KLK6: variants seen among roughly 807,000 people sequenced by gnomAD.
KLK6 encodes the protein kallikrein-6.
KLK6 carries 16 observed loss-of-function variants against 21.7 expected under a neutral mutation model. That is an observed-to-expected ratio of 0.74 (90% CI 0.50 to 1.12). KLK6 has a LOEUF of 1.12. KLK6 is among the 50% of genes most tolerant of loss of function. The pLI is 0.00. For missense variants in KLK6, 276 were observed against 304.6 expected, an observed-to-expected ratio of 0.91 and a Z score of 0.70; for synonymous variants, 116 against 120.1, an observed-to-expected ratio of 0.97 and a Z score of 0.22.
rs1382299293 is a variant in KLK6 at position 50,963,761 on chromosome 19, T to C, written c.198-212A>G. 31 of 581,404 alleles carry C rather than the reference T, an allele frequency of 5.3e-5. No individual in the cohort carries two copies. The East Asian group carries it at 6.6e-4, about 12-fold the overall frequency. The allele number at this position is 581,404 out of a possible 1,614,324, so 36.0% of individuals were successfully genotyped here. A position where few individuals can be genotyped will look rare whatever the true frequency, so the allele number is the denominator to read the frequency against. On this transcript the variant is annotated intron_variant, in intron 4 of 6. Coordinates refer to ENST00000310157, the MANE Select transcript of KLK6 (RefSeq NM_002774.4). ...ACATCCAAGCTGTCCAGAATTCCTT[T>C]TGCCTCTCTGAAGCATATCCAGAAT...
At chr19:50,965,016 C>T (rs1485800029) in intron 4 of KLK6, among the ~76,000 whole-genome samples, 3 of 152,184 alleles carry the variant, frequency 2.0e-5, no homozygotes, top group Non-Finnish European at 2.9e-5. Flanking sequence ...CTTCCTGACC[C>T]TCCTCCATCT....
At chr19:50,967,117 G>A (rs2090938620) in intron 4 of KLK6, 52 bp downstream of exon 4, 1 of 1,605,118 alleles carries the variant, frequency 6.2e-7, no homozygotes. Flanking sequence ...ACATCTATAA[G>A]ACACCCTCAG....
At chr19:50,969,301 T>TG (rs1270572645) in intron 1 of KLK6, among the ~76,000 whole-genome samples, 189 bp downstream of exon 1, 7 of 151,968 alleles carry the variant, frequency 4.6e-5, no homozygotes, top group African/African-American at 1.7e-4. Flanking sequence ...CTCCGGGTTT[T>TG]GGAGAAAGAA....
rs763925278 is a variant in KLK6, at chr19:50,963,451, T to C, written c.296A>G (p.Asp99Gly). ...VVRAVIHPDY[D>G]AASHDQDIML... ...GATGTCCTGGTCATGGCTGGCGGCA[T>C]CATAGTCAGGGTGGATCACAGCCCG... The change falls in exon 5 of 7, where the codon GAT becomes GGT. Residue 99 changes from aspartate (D) to glycine (G), a missense_variant. Transcript: ENST00000310157. 3.1e-6 allele frequency: 5 copies of C among 1,614,058 alleles called. No individual in the cohort carries two copies. The highest frequency in any genetic ancestry group is 4.2e-6 in the Non-Finnish European group (5 of 1,180,040).
rs115623143 is a variant in KLK6 at position 50,968,592 on chromosome 19, C to T, written c.-59-1G>A. ...ATTCTTGAGTCGGGGGAAGGAACAG[C>T]TTTGAGACGAGGAGGCAGAAAGAGT... On this transcript the variant is annotated splice_acceptor_variant, in intron 1 of 6. Transcript: ENST00000310157. LOFTEE classifies it low-confidence loss of function (5UTR_SPLICE). 0.012 allele frequency: 2,216 copies of T among 177,752 alleles called. 50 individuals are homozygous for T. The highest frequency in any genetic ancestry group is 0.051 in the African/African-American group (2,132 of 41,676). The allele number at this position is 177,752 out of a possible 1,614,324, so 11.0% of individuals were successfully genotyped here. A position where few individuals can be genotyped will look rare whatever the true frequency, so the allele number is the denominator to read the frequency against.
chr19:50,959,059 G>C lies in KLK6; in HGVS notation c.*105C>G, dbSNP rs1784263411. ...CGTCGCTGCGTTTATTAAGCATCAGGGTCAGAGCTGGGCAGGAGAGGAGGG... is the reference window on the plus strand; with the variant it reads ...CGTCGCTGCGTTTATTAAGCATCAGCGTCAGAGCTGGGCAGGAGAGGAGGG... On this transcript the variant is annotated 3_prime_UTR_variant, in exon 7 of 7. Coordinates refer to ENST00000310157, the MANE Select transcript of KLK6 (RefSeq NM_002774.4). 1 of 1,236,088 alleles carries C rather than the reference G, an allele frequency of 8.1e-7. No individual in the cohort carries two copies. The highest frequency in any genetic ancestry group is 1.2e-6 in the Non-Finnish European group (1 of 852,280). 76.6% of individuals were successfully genotyped at this position (1,236,088 alleles called of 1,614,324 possible).
At chr19:50,961,654 GCCTGTGTCTCTCTCTT>G in intron 6 of KLK6, 74 bp downstream of exon 6, 1 of 1,491,172 alleles carries the variant, frequency 6.7e-7, no homozygotes, top group Non-Finnish European at 9.1e-7. Flanking sequence ...CTCTCTTTTG[GCCTGTGTCTCTCTCTT>G]CCTGTGTCTG....
intron 4 of KLK6, among the ~76,000 whole-genome samples, chr19:50,964,970 C>T (rs941325062): frequency 4.6e-5 from 7 of 152,238 alleles, no homozygotes; most frequent in Non-Finnish European, 8.8e-5. Context: ...TTCCCATCTT[C>T]ATGCCTCCGC....
chr19:50,961,649 T>C, intron 6 of KLK6, 95 bp downstream of exon 6: 1 of 1,475,064 alleles, frequency 6.8e-7, no homozygotes, highest in Non-Finnish European at 9.2e-7. Context: ...TAAAGCTCTC[T>C]TTTGGCCTGT....
rs756422547 is a variant in KLK6 at position 50,959,221 on chromosome 19, G to C, written c.678C>G (p.Val226=). The change falls in exon 7 of 7, where the codon GTC becomes GTG. Residue 226 remains valine, a synonymous_variant. Coordinates refer to ENST00000310157, the MANE Select transcript of KLK6 (RefSeq NM_002774.4). ...IPCGSKEKPG[V]YTNVCRYTNW... ...TCGTGTATCTGCAGACGTTGGTGTA[G>C]ACTCCTGGCTTCTCCTTTGATCCAC... 6.2e-6 allele frequency: 10 copies of C among 1,614,118 alleles called. No homozygotes were observed. The highest frequency in any genetic ancestry group is 8.5e-6 in the Non-Finnish European group (10 of 1,180,028).
At chr19:50,966,781 A>G (rs925810720) in intron 4 of KLK6, among the ~76,000 whole-genome samples, 1 of 152,162 alleles carries the variant, frequency 6.6e-6, no homozygotes, top group Admixed American at 6.5e-5. Flanking sequence ...AGCCTGGGTG[A>G]CAGAGCGAGA....
At position 50,967,419 on chromosome 19, in the gene KLK6, G is replaced by A. The variant is rs377069434; in HGVS notation, c.41-94C>T. On this transcript the variant is annotated intron_variant, in intron 3 of 6. Transcript: ENST00000310157. ...CTCCAGTCAAGATTGGTCAGGTGCA[G>A]TGGCTTATGCCTGTAATCCCAGCTG... The A allele has an allele frequency of 1.1e-4, 138 of 1,269,740 alleles. No homozygotes were observed. The South Asian group carries it at 1.2e-3, about 11-fold the overall frequency. 78.7% of individuals were successfully genotyped at this position (1,269,740 alleles called of 1,614,324 possible).
At chr19:50,963,643 C>T in intron 4 of KLK6, 94 bp from the exon 5 acceptor site, 8 of 1,450,658 alleles carry the variant, frequency 5.5e-6, no homozygotes, top group South Asian at 1.2e-5. Flanking sequence ...CTGGCCTGCT[C>T]CTCCCACAGT....
chr19:50,964,956 C>A (rs1313588436), intron 4 of KLK6, among the ~76,000 whole-genome samples: 1 of 152,212 alleles, frequency 6.6e-6, no homozygotes, highest in Non-Finnish European at 1.5e-5. Flanking sequence ...CCTGAACATT[C>A]CTTTTCCCAT....
rs113776551 is a variant in KLK6, at chr19:50,958,996, T to C, written c.*168A>G. 19 of 703,874 alleles carry C rather than the reference T, an allele frequency of 2.7e-5. No homozygotes were observed. Among genetic ancestry groups the C allele is most frequent in the African/African-American group, 2.0e-4 (11 of 56,252 alleles). The allele number at this position is 703,874 out of a possible 1,614,324, so 43.6% of individuals were successfully genotyped here. ...CACGTCCTCCCCAGTGATGCAAGGATGGAGCTGGGGTAAAACCAGGGAGAA... is the reference window on the plus strand; with the variant it reads ...CACGTCCTCCCCAGTGATGCAAGGACGGAGCTGGGGTAAAACCAGGGAGAA... On this transcript the variant is annotated 3_prime_UTR_variant, in exon 7 of 7. Coordinates refer to ENST00000310157, the MANE Select transcript of KLK6 (RefSeq NM_002774.4).
chr19:50,962,090 A>C, intron 5 of KLK6: 11 of 484,638 alleles, frequency 2.3e-5, no homozygotes, highest in East Asian at 3.7e-5. Context: ...CTTCCCCCCC[A>C]TTGGCTGTCT....
chr19:50,967,080 G>C (rs1233557483), intron 4 of KLK6, 89 bp downstream of exon 4: 1 of 1,442,886 alleles, frequency 6.9e-7, no homozygotes, highest in Non-Finnish European at 9.7e-7. Context: ...CTGGGATGGG[G>C]GGGATGCCTA....
At chr19:50,968,297 C>T (rs1372758632) in intron 2 of KLK6, 185 bp from the exon 3 acceptor site, 14 of 651,240 alleles carry the variant, frequency 2.1e-5, no homozygotes, top group Non-Finnish European at 3.9e-5. Context: ...CAGAGGATCC[C>T]ACGAAAACAG....
chr19:50,962,158 C>A, intron 5 of KLK6: 1 of 353,880 alleles, frequency 2.8e-6, no homozygotes, highest in Non-Finnish European at 5.1e-6. Flanking sequence ...TTCCTTTTCT[C>A]TTAGGTCCCT....
Sources: allele counts gnomAD v4.1 joint callset (sites outside exome capture counted in the v4.1 genomes callset), GRCh38; gene constraint gnomAD v4.1.1; transcripts MANE v1.5; gene names NCBI Gene and HGNC (gene_info 2026-07-23, HGNC 2026-07-21).